The following ARHGAP42 variants were observed in gnomAD, a reference collection of about 807,000 sequenced individuals.
The protein encoded by ARHGAP42 is Rho GTPase activating protein 42, also known as rho GTPase-activating protein 42.
A neutral mutation model predicts 125.0 loss-of-function variants in ARHGAP42; 63 were observed. That is an observed-to-expected ratio of 0.50 (90% confidence interval 0.41 to 0.62). The LOEUF is 0.62. ARHGAP42 is among the 20% of genes least tolerant of loss of function. ARHGAP42 has a pLI of 0.00. For missense variants in ARHGAP42, 766 were observed against 1,024.2 expected (o/e 0.75, Z 3.44); for synonymous variants, 339 against 351.0 (o/e 0.97, Z 0.38).
intron 2 of ARHGAP42, 105 bp from the exon 3 acceptor site, chr11:100,795,000 T>C (rs547134876): frequency 1.2e-6 from 1 of 806,480 alleles, no homozygotes; most frequent in Non-Finnish European, 1.9e-6. Flanking sequence ...CAGAATATAC[T>C]ATATACAAAT....
intron 1 of ARHGAP42, among the ~76,000 whole-genome samples, chr11:100,734,138 T>A (rs1424232109): frequency 4.6e-5 from 7 of 151,398 alleles, no homozygotes; most frequent in Non-Finnish European, 8.8e-5. Context: ...TTTCACTGTG[T>A]TGGCCAGGCT....
chr11:100,922,092 A>G (rs1459927457), intron 6 of ARHGAP42, among the ~76,000 whole-genome samples: 1 of 152,274 alleles, frequency 6.6e-6, no homozygotes, highest in East Asian at 1.9e-4. Flanking sequence ...TGTATTAATT[A>G]AAGAAATTTT....
rs113033279 is a variant in ARHGAP42 at position 100,737,605 on chromosome 11, A to G, written c.155-32738A>G. 5.8e-3 allele frequency among the ~76,000 whole-genome samples: 877 copies of G among 152,290 alleles called. 6 individuals carry two copies. Among genetic ancestry groups the G allele is most frequent in the Middle Eastern group, 0.021 (6 of 292 alleles). On this transcript the variant is annotated intron_variant, in intron 1 of 23. Coordinates refer to ENST00000298815, the MANE Select transcript of ARHGAP42 (RefSeq NM_152432.4). Reference sequence around the variant, plus strand: ...GCAGGTATTCCAGATGGCCTGCTCCATGAGATAGAGGTGTCTTGGTTCATC... The same window carrying G: ...GCAGGTATTCCAGATGGCCTGCTCCGTGAGATAGAGGTGTCTTGGTTCATC...
At chr11:100,978,850 A>T in intron 21 of ARHGAP42, 137 bp from the exon 22 acceptor site, 1 of 788,472 alleles carries the variant, frequency 1.3e-6, no homozygotes, top group Non-Finnish European at 2.1e-6. Flanking sequence ...AGGTTAAAAC[A>T]ATTAAAATTC....
intron 4 of ARHGAP42, among the ~76,000 whole-genome samples, chr11:100,906,070 C>T (rs1486575505): frequency 1.3e-5 from 2 of 152,188 alleles, no homozygotes; most frequent in Non-Finnish European, 2.9e-5. Flanking sequence ...CAAAGGCTTA[C>T]TTGTCCATCT....
chr11:100,875,136 TGTGTGTGTGTGTGTGTGG>T (rs1865790049), intron 4 of ARHGAP42, among the ~76,000 whole-genome samples: 7 of 122,252 alleles, frequency 5.7e-5, no homozygotes, highest in African/African-American at 2.2e-4. Context: ...TGTGTGTGTG[TGTGTGTGTGTGTGTGTGG>T]CTCATGAACT....
chr11:100,784,916 A>G (rs936228010), intron 2 of ARHGAP42, among the ~76,000 whole-genome samples: 1 of 152,206 alleles, frequency 6.6e-6, no homozygotes, highest in Admixed American at 6.6e-5. Flanking sequence ...AGGATTTTAC[A>G]TGTGACTTTC....
At chr11:100,727,454 G>T (rs961259277) in intron 1 of ARHGAP42, among the ~76,000 whole-genome samples, 5 of 152,082 alleles carry the variant, frequency 3.3e-5, no homozygotes, top group Admixed American at 3.3e-4. Context: ...GATAACTCTT[G>T]GTGCCCTTCT....
At chr11:100,849,569 T>G (rs886338903) in intron 3 of ARHGAP42, among the ~76,000 whole-genome samples, 8 of 150,686 alleles carry the variant, frequency 5.3e-5, no homozygotes, top group Admixed American at 6.7e-5. Flanking sequence ...TAAAGTTTTC[T>G]CTTTCAGTTA....
At chr11:100,903,435 G>C (rs548733804) in intron 4 of ARHGAP42, among the ~76,000 whole-genome samples, 2 of 151,730 alleles carry the variant, frequency 1.3e-5, no homozygotes, top group Non-Finnish European at 2.9e-5. Flanking sequence ...GCTTGGCATG[G>C]AAAAAAGCTT....
At chr11:100,882,805 A>T (rs1865993845) in intron 4 of ARHGAP42, among the ~76,000 whole-genome samples, 1 of 151,986 alleles carries the variant, frequency 6.6e-6, no homozygotes, top group South Asian at 2.1e-4. Flanking sequence ...TGTTTAGGGT[A>T]TCTAGTTCTT....
At chr11:100,719,999 TCCTAGTTGATCTGGCA>T (rs1306279096) in intron 1 of ARHGAP42, among the ~76,000 whole-genome samples, 2 of 152,248 alleles carry the variant, frequency 1.3e-5, no homozygotes, top group African/African-American at 4.8e-5. Context: ...AGTCATCATG[TCCTAGTTGATCTGGCA>T]CCGTAGTCAA....
At position 100,785,766 on chromosome 11, in the gene ARHGAP42, T is replaced by C. The variant is rs149813391; in HGVS notation, c.251-9339T>C. Among the ~76,000 whole-genome samples the C allele has an allele frequency of 5.3e-5, 8 of 152,356 alleles. No homozygotes were observed. In the East Asian group the frequency reaches 1.5e-3, roughly 29 times the overall value. ...TCAGTCAGGATACTTGGCACTCGAT[T>C]ACTCTTTGAGCATAAACAGCTCTGG... On this transcript the variant is annotated intron_variant, in intron 2 of 23. Coordinates refer to ENST00000298815, the MANE Select transcript of ARHGAP42 (RefSeq NM_152432.4).
intron 6 of ARHGAP42, among the ~76,000 whole-genome samples, chr11:100,925,494 T>G (rs1411112247): frequency 6.6e-6 from 1 of 152,064 alleles, no homozygotes; most frequent in Non-Finnish European, 1.5e-5. Flanking sequence ...TCCCAGCACT[T>G]TGGGAGGCTG....
Position 100,976,258 on chromosome 11 carries a change from C to T in ARHGAP42, c.2057C>T (p.Ser686Leu), listed in dbSNP as rs1188081244. 6.4e-7 allele frequency: 1 copy of T among 1,551,620 alleles called. No homozygotes were observed. Among genetic ancestry groups the T allele is most frequent in the Non-Finnish European group, 8.7e-7 (1 of 1,146,918 alleles). ...GGTCTGTGGACAACTAGTCCTGAAT[C>T]AAGTTCCAGAGAAGATGCAACCAAG... is the stretch of plus-strand genomic sequence containing the variant. ...SLGLWTTSPE[S>L]SSREDATKTD... Residue 686 changes from serine to leucine, a missense_variant, in exon 20 of 24, where the codon TCA (serine) becomes TTA (leucine). Ser to Leu is a moderately radical substitution (Grantham distance 145). Around this residue, in one of 3 missense-constraint regions of ARHGAP42, gnomAD observed 308 missense variants for 369.7 expected, o/e 0.83. Transcript: ENST00000298815.
chr11:100,767,397 CAT>C (rs1310902717), intron 1 of ARHGAP42, among the ~76,000 whole-genome samples: 1 of 152,222 alleles, frequency 6.6e-6, no homozygotes, highest in Non-Finnish European at 1.5e-5. Context: ...CTTCAGCACT[CAT>C]ACTCAGTAAC....
In ARHGAP42 at chr11:100,976,957, G is replaced by A; in HGVS notation, c.2379G>A (p.Gln793=). Reference sequence around the variant, plus strand: ...ACACTGCCTCAAGCAATGGCTATCAGCGGCCTGGCTCAGTGTAAGTGAGCG... The same window carrying A: ...ACACTGCCTCAAGCAATGGCTATCAACGGCCTGGCTCAGTGTAAGTGAGCG... ...RLDTASSNGY[Q]RPGSVVAAKA... is the part of the protein sequence containing the mutation. Residue 793 remains glutamine, a synonymous_variant, in exon 21 of 24, where the codon CAG becomes CAA. Coordinates refer to ENST00000298815, the MANE Select transcript of ARHGAP42 (RefSeq NM_152432.4). 1 of 1,551,386 alleles carries A rather than the reference G, an allele frequency of 6.4e-7. No homozygotes were observed. Among genetic ancestry groups the A allele is most frequent in the South Asian group, 1.2e-5 (1 of 84,054 alleles).
rs983529400 is a variant in ARHGAP42 at position 100,966,100 on chromosome 11, G to A, written c.1550+324G>A. 6.6e-5 allele frequency among the ~76,000 whole-genome samples: 10 copies of A among 152,102 alleles called. No individual in the cohort carries two copies. The South Asian group carries it at 1.9e-3, about 28-fold the overall frequency. On this transcript the variant is annotated intron_variant, in intron 17 of 23. Coordinates refer to ENST00000298815, the MANE Select transcript of ARHGAP42 (RefSeq NM_152432.4). ...CCCAATTCTTTTAGGTGCATTATAA[G>A]CAATGAGTTTGAAGACCAGTGCTCT...
Position 100,770,426 on chromosome 11 carries a change from G to T in ARHGAP42, c.238G>T (p.Glu80Ter). The change falls in exon 2 of 24, where the codon GAA (glutamate) becomes TAA (stop). Residue 80 changes from glutamate to a stop codon, truncating the protein, a stop_gained. Coordinates refer to ENST00000298815, the MANE Select transcript of ARHGAP42 (RefSeq NM_152432.4). LOFTEE classifies it high-confidence loss of function. ...TATTGGTGATGCTGAAACAGATGAT[G>T]AAATTAGTATTGGTAAGTACTACTG... ...ECIGDAETDDEISIAQSLKEF... is the reference protein window; with the variant it reads ...ECIGDAETDD The T allele has an allele frequency of 1.3e-6, 2 of 1,548,636 alleles. No homozygotes were observed. Among genetic ancestry groups the T allele is most frequent in the South Asian group, 1.2e-5 (1 of 83,546 alleles).
Sources: allele counts gnomAD v4.1 joint callset (sites outside exome capture counted in the v4.1 genomes callset), GRCh38; gene constraint gnomAD v4.1.1; regional missense constraint gnomAD v4.1.1; transcripts MANE v1.5; gene names NCBI Gene and HGNC (gene_info 2026-07-23, HGNC 2026-07-21).